Variants in RBM6 observed in about 807,000 individuals in gnomAD.
RBM6 encodes the protein RNA binding motif protein 6, also known as RNA-binding protein 6.
In RBM6, 23 loss-of-function variants were observed where a neutral mutation model predicts 140.4. That is an observed-to-expected ratio of 0.16 (90% CI 0.12 to 0.23). The LOEUF (loss-of-function observed/expected upper bound fraction) is 0.23. Ranked by LOEUF, RBM6 falls within the 10% of genes least tolerant of loss-of-function variation. The pLI is 1.00. For synonymous variants in RBM6, 439 were observed against 475.6 expected (o/e 0.92, Z 1.00); for missense variants, 1,139 against 1,386.7 (o/e 0.82, Z 2.84).
At chr3:49,955,844 G>C (rs62262110) in intron 1 of RBM6, among the ~76,000 whole-genome samples, 5 of 145,014 alleles carry the variant, frequency 3.4e-5, no homozygotes, top group East Asian at 2.0e-4. Context: ...CTCTCTCTGT[G>C]TCTCTCTCTC....
At chr3:49,945,512 C>G (rs964996313) in intron 1 of RBM6, among the ~76,000 whole-genome samples, 3 of 152,036 alleles carry the variant, frequency 2.0e-5, no homozygotes, top group African/African-American at 7.2e-5. Flanking sequence ...CCTGAAAATT[C>G]ACGTGTTGAA....
At chr3:49,993,775 G>C (rs1283662913) in intron 5 of RBM6, among the ~76,000 whole-genome samples, 1 of 151,826 alleles carries the variant, frequency 6.6e-6, no homozygotes, top group Non-Finnish European at 1.5e-5. Flanking sequence ...ATTTCAAGGT[G>C]ATGGGCTGGA....
chr3:50,026,346 G>C (rs2087817740), intron 6 of RBM6, among the ~76,000 whole-genome samples: 1 of 150,200 alleles, frequency 6.7e-6, no homozygotes, highest in South Asian at 2.1e-4. Flanking sequence ...GTCTCCCAAA[G>C]TGCTAGGATT....
At chr3:50,071,109 G>A (rs1163954995) in intron 19 of RBM6, among the ~76,000 whole-genome samples, 3 of 152,230 alleles carry the variant, frequency 2.0e-5, no homozygotes. Context: ...CAAGACTTAG[G>A]TGATGGTGCG....
At chr3:49,958,164 G>T (rs565687909) in intron 1 of RBM6, among the ~76,000 whole-genome samples, 1 of 152,166 alleles carries the variant, frequency 6.6e-6, no homozygotes, top group Non-Finnish European at 1.5e-5. Context: ...AGTGGCTCAC[G>T]CCTGTAATCC....
chr3:49,957,314 T>C (rs1018637185), intron 1 of RBM6, among the ~76,000 whole-genome samples: 14 of 151,274 alleles, frequency 9.3e-5, no homozygotes, highest in Non-Finnish European at 1.5e-4. Flanking sequence ...TTCTTTCTTT[T>C]TTTTTTTTTT....
At chr3:50,076,860 G>T (rs1374293177) in intron 20 of RBM6, 148 bp from the exon 21 acceptor site, 10 of 687,804 alleles carry the variant, frequency 1.5e-5, no homozygotes, top group Non-Finnish European at 2.1e-5. Flanking sequence ...CTCTAGCCCG[G>T]GCGACAGAGC....
At chr3:50,050,707 T>C (rs1167218394) in intron 7 of RBM6, among the ~76,000 whole-genome samples, 1 of 152,224 alleles carries the variant, frequency 6.6e-6, no homozygotes, top group Non-Finnish European at 1.5e-5. Context: ...AGGGCTTCAT[T>C]TCTCCACCTG....
At position 50,057,883 on chromosome 3, in the gene RBM6, C is replaced by T; in HGVS notation, c.1849C>T (p.His617Tyr). 6.2e-7 allele frequency: 1 copy of T among 1,614,008 alleles called. No individual in the cohort carries two copies. The highest frequency in any genetic ancestry group is 1.1e-5 in the South Asian group (1 of 91,084). ...AGAAGGCCAAGAGTCACGCTTAGGA[C>T]ATCAAAAGAGAGAAGCAGAAAGGTA... is the stretch of plus-strand genomic sequence containing the variant. ...REEGQESRLGHQKREAERYLP... is the reference protein window; with the variant it reads ...REEGQESRLGYQKREAERYLP... The change falls in exon 9 of 21, where the codon CAT (histidine) becomes TAT (tyrosine). Residue 617 changes from histidine (H) to tyrosine (Y), a missense_variant. Physicochemically the swap from His to Tyr is moderately conservative, Grantham distance 83. This residue lies in a region of RBM6 where 109 missense variants were observed against 101.9 expected (regional missense o/e 1.07). Transcript: ENST00000266022.
At chr3:50,019,001 C>T (rs1055449702) in intron 6 of RBM6, among the ~76,000 whole-genome samples, 1 of 151,730 alleles carries the variant, frequency 6.6e-6, no homozygotes, top group African/African-American at 2.4e-5. Context: ...TGTATCCTTG[C>T]CAGCATTTGG....
At chr3:50,039,492 C>A (rs925004580) in intron 6 of RBM6, among the ~76,000 whole-genome samples, 4 of 141,758 alleles carry the variant, frequency 2.8e-5, no homozygotes, top group Non-Finnish European at 6.2e-5. Flanking sequence ...ACCCCCCCCC[C>A]CCCCACCCTT....
chr3:50,054,485 T>A, intron 8 of RBM6, 90 bp downstream of exon 8: 5 of 1,102,738 alleles, frequency 4.5e-6, no homozygotes, highest in Non-Finnish European at 6.9e-6. Flanking sequence ...TTATCATCCC[T>A]AAATCCAAGT....
At chr3:50,046,566 C>A (rs1319366445) in intron 6 of RBM6, among the ~76,000 whole-genome samples, 2 of 141,458 alleles carry the variant, frequency 1.4e-5, no homozygotes, top group Non-Finnish European at 3.0e-5. Flanking sequence ...GCAACAAGAG[C>A]GAAACTCTGT....
chr3:50,027,987 G>A (rs2087935225), intron 6 of RBM6, among the ~76,000 whole-genome samples: 1 of 152,054 alleles, frequency 6.6e-6, no homozygotes, highest in African/African-American at 2.4e-5. Context: ...TTCAATTCTG[G>A]TTTGGAAGCC....
intron 7 of RBM6, among the ~76,000 whole-genome samples, chr3:50,050,109 C>G (rs2089409202): frequency 6.6e-6 from 1 of 152,038 alleles, no homozygotes; most frequent in Non-Finnish European, 1.5e-5. Context: ...TCAAGCGATC[C>G]TCTCACCTTG....
intron 14 of RBM6, 98 bp from the exon 15 acceptor site, chr3:50,061,864 T>C: frequency 1.4e-6 from 2 of 1,456,970 alleles, no homozygotes; most frequent in Non-Finnish European, 1.8e-6. Context: ...AGTAAAAAAG[T>C]TGTTTCTTCC....
chr3:50,041,992 G>T (rs1337873492), intron 6 of RBM6, among the ~76,000 whole-genome samples: 1 of 152,136 alleles, frequency 6.6e-6, no homozygotes, highest in East Asian at 1.9e-4. Context: ...TTGCTAATTA[G>T]CTCTGTATTC....
chr3:50,006,292 C>T (rs1285962871), intron 6 of RBM6, among the ~76,000 whole-genome samples: 3 of 151,872 alleles, frequency 2.0e-5, no homozygotes, highest in Non-Finnish European at 4.4e-5. Context: ...TGTGCCACCA[C>T]GCCTGGCTAA....
intron 11 of RBM6, 45 bp downstream of exon 11, chr3:50,059,791 T>G (rs778930388): frequency 2.7e-6 from 4 of 1,484,572 alleles, no homozygotes; most frequent in Non-Finnish European, 3.7e-6. Flanking sequence ...CCCACTTGTG[T>G]TTTTGAGAGG....
Sources: gnomAD v4.1 joint callset for allele counts (sites outside exome capture counted in the v4.1 genomes callset) on GRCh38, gnomAD v4.1.1 for gene constraint, gnomAD v4.1.1 regional missense constraint, MANE v1.5 for transcripts, NCBI Gene and HGNC (gene_info 2026-07-23, HGNC 2026-07-21) for gene names.